Variants in DENND4A observed in about 807,000 individuals in gnomAD.
DENND4A encodes DENN domain containing 4A.
In DENND4A, 70 loss-of-function variants were observed where a neutral mutation model predicts 199.3. That is an observed-to-expected ratio of 0.35 (90% CI 0.29 to 0.43). The LOEUF (loss-of-function observed/expected upper bound fraction) is 0.43, where lower values mean the gene tolerates loss of function less well. DENND4A is among the 20% of genes least tolerant of loss of function. DENND4A has a pLI of 1.00. For synonymous variants in DENND4A, 686 were observed against 766.9 expected, an observed-to-expected ratio of 0.89 and a Z score of 1.74; for missense variants, 1,723 against 2,255.8, an observed-to-expected ratio of 0.76 and a Z score of 4.78.
At chr15:65,753,944 C>T (rs1343053924) in intron 3 of DENND4A, 2 of 150,086 alleles carry the variant, frequency 1.3e-5, no homozygotes, top group Non-Finnish European at 3.0e-5. Flanking sequence ...AAGCAAGTAT[C>T]CTGCCTCAGC....
At position 65,702,462 on chromosome 15, in the gene DENND4A, T is replaced by G. The variant is rs993047952; in HGVS notation, c.2273A>C (p.Gln758Pro). ...KIAKRYSSIP[Q>P]MWSRCLLRHC... ...GCGCAGTAGACACCTAGACCACATC[T>G]GAGGGATGGAAGAGTACCTCTTTGC... The change falls in exon 17 of 33, where the codon CAG becomes CCG. Residue 758 changes from glutamine to proline, a missense_variant. Coordinates refer to ENST00000443035, the MANE Select transcript of DENND4A (RefSeq NM_001320835.1). The G allele has an allele frequency of 1.3e-6, 2 of 1,598,388 alleles. No homozygotes were observed. Among genetic ancestry groups the G allele is most frequent in the Non-Finnish European group, 8.5e-7 (1 of 1,172,336 alleles).
chr15:65,778,986 C>T (rs746196390), intron 1 of DENND4A, among the ~76,000 whole-genome samples: 2 of 151,826 alleles, frequency 1.3e-5, no homozygotes, highest in Non-Finnish European at 2.9e-5. Context: ...TTTTAGGGCC[C>T]CATAAGGTGG....
intron 1 of DENND4A, chr15:65,766,682 T>C (rs751487963): frequency 2.6e-5 from 4 of 152,084 alleles, no homozygotes; most frequent in African/African-American, 7.2e-5. Flanking sequence ...CACAGACATA[T>C]ATAGGCACAC....
chr15:65,765,536 G>C (rs1259348168), intron 1 of DENND4A, among the ~76,000 whole-genome samples: 2 of 152,148 alleles, frequency 1.3e-5, no homozygotes, highest in Non-Finnish European at 2.9e-5. Flanking sequence ...CAAAACTATA[G>C]CACAGCTGTA....
At chr15:65,681,994 T>C (rs989170412) in intron 23 of DENND4A, among the ~76,000 whole-genome samples, 1 of 152,234 alleles carries the variant, frequency 6.6e-6, no homozygotes, top group African/African-American at 2.4e-5. Flanking sequence ...GTAAACCATG[T>C]TGTAAACAGA....
intron 18 of DENND4A, among the ~76,000 whole-genome samples, 196 bp from the exon 19 acceptor site, chr15:65,701,388 G>A (rs1408457313): frequency 1.3e-5 from 2 of 152,096 alleles, no homozygotes; most frequent in Admixed American, 1.3e-4. Flanking sequence ...GCAACAAGGT[G>A]AAACCCCACC....
intron 30 of DENND4A, 113 bp from the exon 31 acceptor site, chr15:65,664,835 G>T (rs1438251209): frequency 1.1e-6 from 1 of 886,998 alleles, no homozygotes; most frequent in Non-Finnish European, 1.6e-6. Flanking sequence ...TAAATTAAGG[G>T]CAATAGATAA....
chr15:65,664,290 G>T, intron 32 of DENND4A, 40 bp downstream of exon 32: 1 of 1,099,666 alleles, frequency 9.1e-7, no homozygotes, highest in South Asian at 1.5e-5. Context: ...ACTATTCCAT[G>T]ATATATAAAT....
intron 14 of DENND4A, among the ~76,000 whole-genome samples, chr15:65,709,674 A>T (rs1385672598): frequency 7.1e-6 from 1 of 140,126 alleles, no homozygotes; most frequent in Non-Finnish European, 1.5e-5. Flanking sequence ...AGCCTGGGCA[A>T]CAAGAGCAAA....
chr15:65,693,510 C>G (rs1266723724), intron 22 of DENND4A, among the ~76,000 whole-genome samples: 1 of 152,012 alleles, frequency 6.6e-6, no homozygotes, highest in Non-Finnish European at 1.5e-5. Context: ...GTATGCCCAG[C>G]TGATATACTA....
intron 1 of DENND4A, among the ~76,000 whole-genome samples, chr15:65,774,487 T>C (rs2077224506): frequency 6.7e-6 from 1 of 148,942 alleles, no homozygotes; most frequent in African/African-American, 2.5e-5. Flanking sequence ...TGAAACTCCA[T>C]CTCAAAAAAA....
Position 65,697,326 on chromosome 15 carries a change from T to TC in DENND4A, c.2890dup (p.Asp964GlyfsTer5). 1 of 1,609,462 alleles carries TC rather than the reference T, an allele frequency of 6.2e-7. No individual in the cohort carries two copies. The highest frequency in any genetic ancestry group is 8.5e-7 in the Non-Finnish European group (1 of 1,177,744). On this transcript the variant is annotated frameshift_variant, in exon 21 of 33. Transcript: ENST00000443035. LOFTEE classifies it high-confidence loss of function. Reference sequence around the variant, plus strand: ...TTCTTGAATGTCTTCAGTAGATGTATCCCCTCTTCTAACTTCATCTTTAGA... The same window carrying TC: ...TTCTTGAATGTCTTCAGTAGATGTATCCCCCTCTTCTAACTTCATCTTTAGA...
At chr15:65,777,641 C>T (rs1470169311) in intron 1 of DENND4A, among the ~76,000 whole-genome samples, 2 of 152,232 alleles carry the variant, frequency 1.3e-5, no homozygotes, top group East Asian at 3.9e-4. Flanking sequence ...GTGTGAGCCA[C>T]TGCACCGGGC....
intron 14 of DENND4A, among the ~76,000 whole-genome samples, chr15:65,713,425 C>T (rs1244357182): frequency 6.6e-6 from 1 of 152,158 alleles, no homozygotes; most frequent in Admixed American, 6.5e-5. Context: ...TGACTTGTCC[C>T]GTTACAGATG....
chr15:65,751,940 T>G (rs1389897646), intron 4 of DENND4A, among the ~76,000 whole-genome samples: 4 of 151,962 alleles, frequency 2.6e-5, no homozygotes, highest in African/African-American at 7.3e-5. Context: ...ATCAAGAAGT[T>G]TTGCAAAGAT....
Position 65,703,022 on chromosome 15 carries a change from A to C in DENND4A, c.2088-14T>G. ...AATCCATTATAGCTGTTTTAGAAAA[A>C]ACAAAACAAAACAAAAAAGAGTTCT... On this transcript the variant is annotated splice_polypyrimidine_tract_variant and intron_variant, in intron 15 of 32. Coordinates refer to ENST00000443035, the MANE Select transcript of DENND4A (RefSeq NM_001320835.1). 6.2e-7 allele frequency: 1 copy of C among 1,604,772 alleles called. No individual in the cohort carries two copies. Among genetic ancestry groups the C allele is most frequent in the Non-Finnish European group, 8.5e-7 (1 of 1,176,238 alleles).
At chr15:65,710,460 A>T (rs1320678607) in intron 14 of DENND4A, among the ~76,000 whole-genome samples, 1 of 152,206 alleles carries the variant, frequency 6.6e-6, no homozygotes, top group Non-Finnish European at 1.5e-5. Flanking sequence ...TAGTTACACA[A>T]ATGTATGCCA....
chr15:65,711,381 C>T (rs1414411335), intron 14 of DENND4A, among the ~76,000 whole-genome samples: 2 of 152,176 alleles, frequency 1.3e-5, no homozygotes, highest in African/African-American at 4.8e-5. Flanking sequence ...GTGGTCCCAG[C>T]TACTCAGGAG....
chr15:65,735,391 A>G (rs1195822057), intron 7 of DENND4A, among the ~76,000 whole-genome samples: 3 of 152,164 alleles, frequency 2.0e-5, no homozygotes, highest in African/African-American at 7.2e-5. Context: ...AAACGAAAAC[A>G]AAAAGAAAAA....
Sources: allele counts gnomAD v4.1 joint callset (sites outside exome capture counted in the v4.1 genomes callset), GRCh38; gene constraint gnomAD v4.1.1; transcripts MANE v1.5; gene names NCBI Gene and HGNC (gene_info 2026-07-23, HGNC 2026-07-21).